ZNF354A: variants seen among roughly 807,000 people sequenced by gnomAD.
ZNF354A encodes epididymis luminal protein 104.
Under a neutral mutation model 53.3 loss-of-function variants are expected in ZNF354A, and 25 were observed. The observed-to-expected ratio is 0.47, with a 90% CI of 0.34 to 0.66. The LOEUF (loss-of-function observed/expected upper bound fraction) is 0.66, where lower values mean the gene tolerates loss of function less well. Ranked by LOEUF, ZNF354A falls within the 30% of genes least tolerant of loss-of-function variation. The pLI is 0.01. For synonymous variants in ZNF354A, 228 were observed against 249.0 expected, an observed-to-expected ratio of 0.92 and a Z score of 0.79; for missense variants, 586 against 716.8, an observed-to-expected ratio of 0.82 and a Z score of 2.08.
At chr5:178,726,123 T>C (rs1765901875) in intron 3 of ZNF354A, 5 of 452,572 alleles carry the variant, frequency 1.1e-5, no homozygotes, top group Non-Finnish European at 2.2e-5. Context: ...ATTACAGGTG[T>C]GAGCCACCGC....
chr5:178,712,887 C>A lies in ZNF354A; in HGVS notation c.991G>T (p.Gly331Cys). ...AEENPCKYNP[G>C]RKASSCSTSL... ...GTGCTGCAACTAGATGCCTTCCTAC[C>A]CGGATTATACTTACAAGGGTTTTCT... The change falls in exon 5 of 5, where the codon GGT (glycine) becomes TGT (cysteine). Residue 331 changes from glycine (G) to cysteine (C), a missense_variant. Coordinates refer to ENST00000335815, the MANE Select transcript of ZNF354A (RefSeq NM_005649.3). 2 of 1,613,994 alleles carry A rather than the reference C, an allele frequency of 1.2e-6. No individual in the cohort carries two copies. The highest frequency in any genetic ancestry group is 2.2e-5 in the South Asian group (2 of 91,072).
rs764525393 is a variant in ZNF354A, at chr5:178,713,471, T to A, written c.407A>T (p.Gln136Leu). 6.2e-7 allele frequency: 1 copy of A among 1,613,818 alleles called. No individual in the cohort carries two copies. The highest frequency in any genetic ancestry group is 8.5e-7 in the Non-Finnish European group (1 of 1,179,966). The stretch of plus-strand genomic sequence containing the variant: ...TATCTGAAAACTTCCCTTTTTATCC[T>A]GCTTTTTCTCTAATCTGCCTTCATA... ...YIYEGRLEKK[Q>L]DKKGSFQIVS... The change falls in exon 5 of 5, where the codon CAG (glutamine) becomes CTG (leucine). Residue 136 changes from glutamine to leucine, a missense_variant. Gln to Leu is a moderately radical substitution (Grantham distance 113). This residue lies in a region of ZNF354A where 573 missense variants were observed against 680.1 expected (regional missense o/e 0.84). Coordinates refer to ENST00000335815, the MANE Select transcript of ZNF354A (RefSeq NM_005649.3).
chr5:178,713,984 GTT>G (rs35809830), intron 4 of ZNF354A, among the ~76,000 whole-genome samples: 2 of 141,696 alleles, frequency 1.4e-5, no homozygotes, highest in Admixed American at 7.0e-5. Context: ...ATTTTTTTTT[GTT>G]TTTTTTTTTT....
At chr5:178,721,072 T>C (rs1253334190) in intron 4 of ZNF354A, among the ~76,000 whole-genome samples, 1 of 152,212 alleles carries the variant, frequency 6.6e-6, no homozygotes, top group Non-Finnish European at 1.5e-5. Context: ...CCTCAAAAAG[T>C]CATAGATTCT....
intron 4 of ZNF354A, among the ~76,000 whole-genome samples, chr5:178,721,523 C>T (rs569807111): frequency 3.7e-4 from 57 of 152,318 alleles, no homozygotes; most frequent in Non-Finnish European, 5.0e-4. Flanking sequence ...TTCCCACCCA[C>T]CTTTCTTAGA....
intron 4 of ZNF354A, among the ~76,000 whole-genome samples, chr5:178,723,881 G>C (rs1359845678): frequency 6.6e-6 from 1 of 151,810 alleles, no homozygotes; most frequent in African/African-American, 2.4e-5. Context: ...GGCTCTGTCA[G>C]ATTCCTCCTG....
In ZNF354A at chr5:178,716,061, T is replaced by C. The variant is rs181699015; in HGVS notation, c.257-2440A>G. ...ACAGGTGTGCGCCACCACACCTGGC[T>C]AATTTTTGTATTTTTAGTAGAGACA... On this transcript the variant is annotated intron_variant, in intron 4 of 4. Transcript: ENST00000335815. 2.0e-3 allele frequency among the ~76,000 whole-genome samples: 308 copies of C among 152,082 alleles called. 1 individual carries two copies. The highest frequency in any genetic ancestry group is 7.1e-3 in the African/African-American group (294 of 41,476).
intron 4 of ZNF354A, among the ~76,000 whole-genome samples, chr5:178,719,806 G>C (rs1455362571): frequency 6.6e-6 from 1 of 152,038 alleles, no homozygotes; most frequent in Non-Finnish European, 1.5e-5. Flanking sequence ...AATTAGCCGG[G>C]CGTAGTGGCG....
At chr5:178,725,793 T>C (rs1230215299) in intron 3 of ZNF354A, among the ~76,000 whole-genome samples, 1 of 152,196 alleles carries the variant, frequency 6.6e-6, no homozygotes, top group East Asian at 1.9e-4. Flanking sequence ...AAGTAGGTTA[T>C]CTATGAAAAG....
At chr5:178,714,540 A>G (rs1561616473) in intron 4 of ZNF354A, among the ~76,000 whole-genome samples, 1 of 152,132 alleles carries the variant, frequency 6.6e-6, no homozygotes, top group Admixed American at 6.6e-5. Context: ...TATGTATCTC[A>G]CTTTCCTTTT....
At position 178,713,495 on chromosome 5, in the gene ZNF354A, T is replaced by C. The variant is rs1482696171; in HGVS notation, c.383A>G (p.Tyr128Cys). 1.2e-6 allele frequency: 2 copies of C among 1,613,936 alleles called. No homozygotes were observed. Among genetic ancestry groups the C allele is most frequent in the Non-Finnish European group, 1.7e-6 (2 of 1,179,994 alleles). The change falls in exon 5 of 5, where the codon TAT becomes TGT. Residue 128 changes from tyrosine to cysteine, a missense_variant. Transcript: ENST00000335815. ...CTGCTTTTTCTCTAATCTGCCTTCATATATGTAAGGCTTTTCTAATTTCAA... is the reference window on the plus strand; with the variant it reads ...CTGCTTTTTCTCTAATCTGCCTTCACATATGTAAGGCTTTTCTAATTTCAA... The part of the protein sequence containing the change: ...WDLKLEKPYI[Y>C]EGRLEKKQDK...
chr5:178,727,047 A>C lies in ZNF354A; in HGVS notation c.112T>G (p.Leu38Val). 1 of 1,613,868 alleles carries C rather than the reference A, an allele frequency of 6.2e-7. No individual in the cohort carries two copies. The highest frequency in any genetic ancestry group is 1.1e-5 in the South Asian group (1 of 91,054). The change falls in exon 3 of 5, where the codon TTG becomes GTG. Residue 38 changes from leucine (L) to valine (V), a missense_variant. Leu to Val is a conservative substitution (Grantham distance 32, BLOSUM62 1). Coordinates refer to ENST00000335815, the MANE Select transcript of ZNF354A (RefSeq NM_005649.3). ...TTCTCCAGCATCACATCCCGGTACA[A>C]GTTTCTCTGAGAAGGGGCCAGCTTT... ...WRKLAPSQRN[L>V]YRDVMLENYR...
At position 178,712,266 on chromosome 5, in the gene ZNF354A, T is replaced by A; in HGVS notation, c.1612A>T (p.Ile538Phe). 6.2e-7 allele frequency: 1 copy of A among 1,614,116 alleles called. No homozygotes were observed. Among genetic ancestry groups the A allele is most frequent in the Non-Finnish European group, 8.5e-7 (1 of 1,179,980 alleles). Residue 538 changes from isoleucine (I) to phenylalanine (F), a missense_variant, in exon 5 of 5, where the codon ATT (isoleucine) becomes TTT (phenylalanine). Coordinates refer to ENST00000335815, the MANE Select transcript of ZNF354A (RefSeq NM_005649.3). ...CCTGTATGAATCCTTCGATGCTGAA[T>A]AAGAGCTGAACTTTGGCCAAAAGAT... ...GISFGQSSAL[I>F]QHRRIHTGEK...
In ZNF354A at chr5:178,722,948, C is replaced by T. The variant is rs570992279; in HGVS notation, c.256+2428G>A. ...GAGCCACATGGACGCATGACCGCCA[C>T]GAAGAACAGTCCCAGACAGAAAAAG... On this transcript the variant is annotated intron_variant, in intron 4 of 4. Transcript: ENST00000335815. Among the ~76,000 whole-genome samples, 18 of 152,268 alleles carry T rather than the reference C, an allele frequency of 1.2e-4. No homozygotes were observed. In the Middle Eastern group the frequency reaches 0.01, roughly 86 times the overall value.
intron 4 of ZNF354A, among the ~76,000 whole-genome samples, chr5:178,714,100 C>A (rs1468739997): frequency 6.6e-6 from 1 of 151,840 alleles, no homozygotes; most frequent in Non-Finnish European, 1.5e-5. Context: ...GGTCTCCTGG[C>A]TTCAAGCAAT....
At chr5:178,719,536 A>G (rs1418525789) in intron 4 of ZNF354A, among the ~76,000 whole-genome samples, 6 of 152,232 alleles carry the variant, frequency 3.9e-5, no homozygotes, top group Admixed American at 3.3e-4. Flanking sequence ...GGGGTAGCAC[A>G]AGGGCTGAAG....
intron 4 of ZNF354A, among the ~76,000 whole-genome samples, chr5:178,719,533 C>T (rs1270895703): frequency 6.6e-6 from 1 of 152,294 alleles, no homozygotes; most frequent in Non-Finnish European, 1.5e-5. Context: ...GAAGGGGTAG[C>T]ACAAGGGCTG....
At chr5:178,714,018 AT>A (rs556855447) in intron 4 of ZNF354A, among the ~76,000 whole-genome samples, 1,719 of 148,360 alleles carry the variant, frequency 0.012, 10 homozygotes, top group Non-Finnish European at 0.019. Flanking sequence ...TCTTTGTGTA[AT>A]TTTTTTTGAG....
At chr5:178,715,818 T>C (rs754258660) in intron 4 of ZNF354A, among the ~76,000 whole-genome samples, 2 of 152,110 alleles carry the variant, frequency 1.3e-5, no homozygotes, top group Non-Finnish European at 2.9e-5. Flanking sequence ...TTGCCATGCA[T>C]TACTATCTCT....
Sources: gnomAD v4.1 joint callset for allele counts (sites outside exome capture counted in the v4.1 genomes callset) on GRCh38, gnomAD v4.1.1 for gene constraint, gnomAD v4.1.1 regional missense constraint, MANE v1.5 for transcripts, NCBI Gene and HGNC (gene_info 2026-07-23, HGNC 2026-07-21) for gene names.